ZNF423: variants seen among roughly 807,000 people sequenced by gnomAD.
ZNF423 encodes zinc finger protein 423, also known as Ebf-associated zinc finger protein.
Under a neutral mutation model 95.8 loss-of-function variants are expected in ZNF423, and 12 were observed. The ratio of observed to expected loss-of-function variants is 0.13; its 90% confidence interval spans 0.08 to 0.20. ZNF423 has a LOEUF of 0.20. Among genes scored for constraint, ZNF423 ranks in the 10% least tolerant of loss-of-function variants. The pLI is 1.00. For synonymous variants in ZNF423, 749 were observed against 711.9 expected (o/e 1.05, Z -0.83); for missense variants, 1,316 against 1,737.1 (o/e 0.76, Z 4.31).
chr16:49,556,032 G>A (rs1169837392), intron 5 of ZNF423, among the ~76,000 whole-genome samples: 8 of 152,158 alleles, frequency 5.3e-5, no homozygotes, highest in African/African-American at 1.9e-4. Flanking sequence ...GAGAACCACA[G>A]ACCTGCTTCC....
Position 49,638,563 on chromosome 16 carries a change from GGCAGTGATACTTCTTGTC to G in ZNF423, c.595_612del (p.Asp199_Cys204del). On this transcript the variant is annotated inframe_deletion, in exon 4 of 8. Transcript: ENST00000563137. This position sits in a 1 kb window ranked among gnomAD's most constrained non-coding sequence, Gnocchi z 5.6. Reference sequence around the variant, plus strand: ...CGGGAGAAGGCTGCCTCGCACTCGTGGCAGTGATACTTCTTGTCGCCCGTATGCAGCTTGATGTGCCGG... The same window carrying G: ...CGGGAGAAGGCTGCCTCGCACTCGTGGCCCGTATGCAGCTTGATGTGCCGG... 1 of 1,613,870 alleles carries G rather than the reference GGCAGTGATACTTCTTGTC, an allele frequency of 6.2e-7. No individual in the cohort carries two copies. Among genetic ancestry groups the G allele is most frequent in the Non-Finnish European group, 8.5e-7 (1 of 1,180,042 alleles).
chr16:49,574,005 G>A (rs139262096), intron 5 of ZNF423, among the ~76,000 whole-genome samples: 292 of 152,292 alleles, frequency 1.9e-3, no homozygotes, highest in African/African-American at 6.4e-3. Context: ...ATCACTGCAC[G>A]GCTGAGCCCC....
At chr16:49,491,346 TG>T in intron 7 of ZNF423, 42 bp from the exon 8 acceptor site, 1 of 1,612,836 alleles carries the variant, frequency 6.2e-7, no homozygotes, top group Non-Finnish European at 8.5e-7. Flanking sequence ...AGGAGAAGAA[TG>T]GAGAGCATGC....
intron 3 of ZNF423, among the ~76,000 whole-genome samples, chr16:49,682,599 A>G (rs2031408997): frequency 1.3e-5 from 2 of 152,136 alleles, no homozygotes. Flanking sequence ...CGCCCCGAGT[A>G]TGACAGGAGG....
chr16:49,666,382 A>G (rs74829844), intron 3 of ZNF423, among the ~76,000 whole-genome samples: 10,397 of 152,234 alleles, frequency 0.068, 470 homozygotes, highest in Non-Finnish European at 0.1. Flanking sequence ...CCACCTACAC[A>G]CGCCAGTTAC....
chr16:49,663,989 T>C, intron 3 of ZNF423: 1 of 862,564 alleles, frequency 1.2e-6, no homozygotes, highest in Non-Finnish European at 1.4e-6. Context: ...CGGGAGCCTC[T>C]AAGGGGACTC....
intron 5 of ZNF423, among the ~76,000 whole-genome samples, chr16:49,537,393 C>T (rs1199230560): frequency 2.0e-5 from 3 of 152,186 alleles, no homozygotes; most frequent in African/African-American, 7.2e-5. Flanking sequence ...TGTGTGATTT[C>T]TCAGCTCTGC....
chr16:49,815,874 A>C (rs201945003), intron 1 of ZNF423, among the ~76,000 whole-genome samples: 34 of 60,360 alleles, frequency 5.6e-4, no homozygotes, highest in African/African-American at 1.3e-3. Context: ...AACAAACAAA[A>C]AAAAAAAATA....
intron 1 of ZNF423, among the ~76,000 whole-genome samples, chr16:49,819,110 G>A (rs538779084): frequency 9.2e-5 from 14 of 151,648 alleles, no homozygotes; most frequent in East Asian, 2.0e-4. Context: ...AAAATTAGCC[G>A]GGCGTGGTAG....
intron 2 of ZNF423, among the ~76,000 whole-genome samples, chr16:49,759,692 C>T (rs2143629930): frequency 6.6e-6 from 1 of 152,360 alleles, no homozygotes; most frequent in South Asian, 2.1e-4. Context: ...ACCCCTGTGA[C>T]AGCTTAGAGT....
chr16:49,544,665 G>C (rs1300134166), intron 5 of ZNF423, among the ~76,000 whole-genome samples: 1 of 152,266 alleles, frequency 6.6e-6, no homozygotes, highest in Non-Finnish European at 1.5e-5. Context: ...TGGAGGCAGA[G>C]AGGGCGTTCC....
chr16:49,680,928 C>T (rs539494306), intron 3 of ZNF423, among the ~76,000 whole-genome samples: 2 of 151,860 alleles, frequency 1.3e-5, no homozygotes, highest in East Asian at 3.9e-4. Flanking sequence ...CCCAAGGATC[C>T]TGTGACACCA....
At chr16:49,582,470 T>C (rs917790343) in intron 5 of ZNF423, among the ~76,000 whole-genome samples, 2 of 152,238 alleles carry the variant, frequency 1.3e-5, no homozygotes, top group African/African-American at 2.4e-5. Flanking sequence ...TAAAACACTA[T>C]GCATACTCTA....
intron 2 of ZNF423, among the ~76,000 whole-genome samples, chr16:49,787,762 G>C (rs1190617235): frequency 6.6e-6 from 1 of 152,134 alleles, no homozygotes; most frequent in Non-Finnish European, 1.5e-5. Flanking sequence ...GCACGCCACT[G>C]CTGTTCCCAT....
chr16:49,496,173 T>C (rs577712011), intron 7 of ZNF423, among the ~76,000 whole-genome samples: 18 of 152,338 alleles, frequency 1.2e-4, no homozygotes, highest in African/African-American at 4.3e-4. Flanking sequence ...TGGGTTTGAA[T>C]CTTGGCTCTG....
At chr16:49,535,572 C>T (rs1395617049) in intron 5 of ZNF423, among the ~76,000 whole-genome samples, 1 of 152,150 alleles carries the variant, frequency 6.6e-6, no homozygotes, top group Non-Finnish European at 1.5e-5. Flanking sequence ...AAATAAACCA[C>T]ACACAAGAGA....
At chr16:49,570,646 G>T (rs950557589) in intron 5 of ZNF423, among the ~76,000 whole-genome samples, 1 of 152,202 alleles carries the variant, frequency 6.6e-6, no homozygotes, top group Non-Finnish European at 1.5e-5. Context: ...CAGATAGCAT[G>T]TTTGATGTTA....
intron 1 of ZNF423, among the ~76,000 whole-genome samples, chr16:49,795,112 T>A (rs1456453799): frequency 1.3e-5 from 2 of 152,174 alleles, no homozygotes; most frequent in Non-Finnish European, 2.9e-5. Context: ...CCTCAGGTTA[T>A]CCACCTGCCT....
intron 5 of ZNF423, among the ~76,000 whole-genome samples, chr16:49,530,525 C>G (rs1243165522): frequency 6.7e-6 from 1 of 149,916 alleles, no homozygotes; most frequent in Non-Finnish European, 1.5e-5. Flanking sequence ...TCACCAGTGC[C>G]TAGAACAGGA....
Sources: gnomAD v4.1 joint callset for allele counts (sites outside exome capture counted in the v4.1 genomes callset) on GRCh38, gnomAD v4.1.1 for gene constraint, Gnocchi (gnomAD v3.1) non-coding constraint, MANE v1.5 for transcripts, NCBI Gene and HGNC (gene_info 2026-07-23, HGNC 2026-07-21) for gene names.